TASP1: variants seen among roughly 807,000 people sequenced by gnomAD.
TASP1 encodes the protein threonine aspartase 1.
Under a neutral mutation model 56.6 loss-of-function variants are expected in TASP1, and 16 were observed. That is an observed-to-expected ratio of 0.28 (90% CI 0.19 to 0.43). The LOEUF is 0.43. Ranked by LOEUF, TASP1 falls within the 20% of genes least tolerant of loss-of-function variation. TASP1 has a pLI of 1.00. For synonymous variants in TASP1, 179 were observed against 184.2 expected (o/e 0.97, Z 0.23); for missense variants, 393 against 511.6 (o/e 0.77, Z 2.24).
Position 13,554,935 on chromosome 20 carries a change from T to C in TASP1, c.675+4073A>G, listed in dbSNP as rs543833615. ...GTGGCAACTTCTTAAAACAAACTAA[T>C]AAGGAAGTTTATCACATTGAATGAC... On this transcript the variant is annotated intron_variant, in intron 8 of 13. Transcript: ENST00000337743. Among the ~76,000 whole-genome samples, 4 of 152,322 alleles carry C rather than the reference T, an allele frequency of 2.6e-5. No homozygotes were observed. In the South Asian group the frequency reaches 8.3e-4, roughly 32 times the overall value.
At chr20:13,363,741 G>C in the TASP1 span, among the ~76,000 whole-genome samples, 4 of 152,194 alleles carry the variant, frequency 2.6e-5, no homozygotes, top group East Asian at 7.7e-4. Flanking sequence ...TAAATTACAG[G>C]ACACCTAGTT....
At chr20:13,578,406 A>C (rs1354028335) in intron 6 of TASP1, among the ~76,000 whole-genome samples, 1 of 152,092 alleles carries the variant, frequency 6.6e-6, no homozygotes, top group East Asian at 1.9e-4. Context: ...CATATCCTGC[A>C]AATAATTTTT....
intron 10 of TASP1, among the ~76,000 whole-genome samples, chr20:13,511,101 C>T (rs1049104426): frequency 4.6e-5 from 7 of 151,490 alleles, no homozygotes; most frequent in African/African-American, 1.2e-4. Flanking sequence ...AATAAACATA[C>T]GACATTAGCC....
intron 11 of TASP1, among the ~76,000 whole-genome samples, chr20:13,462,923 ATTG>A (rs964963814): frequency 3.3e-5 from 5 of 152,164 alleles, no homozygotes; most frequent in African/African-American, 1.2e-4. Flanking sequence ...TACAATTAAT[ATTG>A]TTAAGATGTC....
downstream of TASP1, among the ~76,000 whole-genome samples, chr20:13,387,646 T>A (rs1271124292): frequency 2.6e-5 from 4 of 152,250 alleles, no homozygotes; most frequent in Admixed American, 2.0e-4. Flanking sequence ...GTCTTTACAG[T>A]AGAATGCCTT....
chr20:13,326,396 A>G, the TASP1 span, among the ~76,000 whole-genome samples: 1 of 152,204 alleles, frequency 6.6e-6, no homozygotes, highest in Non-Finnish European at 1.5e-5. Context: ...ATATGTATAT[A>G]TTCAATTTAG....
rs760551672 is a variant in TASP1 at position 13,390,345 on chromosome 20, A to G, written c.*15T>C. On this transcript the variant is annotated 3_prime_UTR_variant, in exon 14 of 14. Transcript: ENST00000337743. Reference sequence around the variant, plus strand: ...CTGAAATGCCTCTGAGACGCTTCACACTCAGCCTGAAGGGTCAGTTCACTG... The same window carrying G: ...CTGAAATGCCTCTGAGACGCTTCACGCTCAGCCTGAAGGGTCAGTTCACTG... 3 of 1,612,216 alleles carry G rather than the reference A, an allele frequency of 1.9e-6. No homozygotes were observed. Among genetic ancestry groups the G allele is most frequent in the Non-Finnish European group, 2.5e-6 (3 of 1,178,660 alleles).
chr20:13,181,127 T>C, the TASP1 span, among the ~76,000 whole-genome samples: 2 of 152,308 alleles, frequency 1.3e-5, no homozygotes, highest in African/African-American at 2.4e-5. Context: ...CTGGTTCACA[T>C]AGGCAGGAGT....
At chr20:13,200,792 C>T in the TASP1 span, among the ~76,000 whole-genome samples, 1 of 152,346 alleles carries the variant, frequency 6.6e-6, no homozygotes, top group East Asian at 1.9e-4. Flanking sequence ...CAGCTTCCTG[C>T]CTTCCCAGTG....
chr20:13,535,099 A>G (rs2045364833), intron 8 of TASP1, among the ~76,000 whole-genome samples: 1 of 152,108 alleles, frequency 6.6e-6, no homozygotes, highest in Non-Finnish European at 1.5e-5. Flanking sequence ...GCCAGGCCCA[A>G]CGCCGGGTTC....
the TASP1 span, chr20:13,299,579 CAT>C: frequency 2.1e-6 from 2 of 938,522 alleles, no homozygotes; most frequent in Non-Finnish European, 3.2e-6. This position sits in a 1 kb window ranked among gnomAD's most constrained non-coding sequence, Gnocchi z 5.8. Flanking sequence ...GTATATACCA[CAT>C]GAGTATTTCT....
At chr20:13,587,155 C>A in intron 5 of TASP1, 95 bp downstream of exon 5, 2 of 1,395,346 alleles carry the variant, frequency 1.4e-6, no homozygotes, top group South Asian at 3.1e-5. Flanking sequence ...CTATTCCAAG[C>A]AGAAATGGTG....
intron 12 of TASP1, among the ~76,000 whole-genome samples, chr20:13,426,145 A>G (rs1422774813): frequency 1.3e-5 from 2 of 152,208 alleles, no homozygotes; most frequent in Admixed American, 1.3e-4. Context: ...TTCCTGTTTT[A>G]TCCTTTTATT....
chr20:13,506,663 C>A (rs1229513581), intron 10 of TASP1, among the ~76,000 whole-genome samples: 1 of 152,038 alleles, frequency 6.6e-6, no homozygotes, highest in African/African-American at 2.4e-5. Context: ...TCAAGAGAGA[C>A]AGAAGAAGCA....
At chr20:13,303,166 A>G in the TASP1 span, among the ~76,000 whole-genome samples, 1 of 152,196 alleles carries the variant, frequency 6.6e-6, no homozygotes, top group South Asian at 2.1e-4. Context: ...GAGCTCCTTG[A>G]AGCCAGCAGT....
chr20:13,301,292 G>A, the TASP1 span, among the ~76,000 whole-genome samples: 7 of 152,074 alleles, frequency 4.6e-5, no homozygotes, highest in South Asian at 2.1e-4. Context: ...GAGTTCAAGC[G>A]ATTCTCGTGC....
chr20:13,355,530 G>T, the TASP1 span, among the ~76,000 whole-genome samples: 1 of 152,206 alleles, frequency 6.6e-6, no homozygotes, highest in African/African-American at 2.4e-5. Context: ...GGTGTTTTAG[G>T]ACTGCACTCT....
chr20:13,595,921 A>G (rs2047711817), intron 4 of TASP1, among the ~76,000 whole-genome samples: 1 of 152,214 alleles, frequency 6.6e-6, no homozygotes, highest in African/African-American at 2.4e-5. Flanking sequence ...AACAGAATAT[A>G]CATTCTTCCC....
the TASP1 span, among the ~76,000 whole-genome samples, chr20:13,345,401 G>A: frequency 7.2e-5 from 11 of 152,298 alleles, no homozygotes; most frequent in South Asian, 1.0e-3. Context: ...CAAGCCCCTG[G>A]AACCAGCTCG....
Sources: allele counts gnomAD v4.1 joint callset (sites outside exome capture counted in the v4.1 genomes callset), GRCh38; gene constraint gnomAD v4.1.1; non-coding constraint Gnocchi (gnomAD v3.1); transcripts MANE v1.5; gene names NCBI Gene and HGNC (gene_info 2026-07-23, HGNC 2026-07-21).